ZFHX3: variants seen among roughly 807,000 people sequenced by gnomAD.
ZFHX3 encodes zinc finger homeobox protein 3.
ZFHX3 carries 42 observed loss-of-function variants against 279.1 expected under a neutral mutation model. That is an observed-to-expected ratio of 0.15 (90% CI 0.12 to 0.19). The LOEUF is 0.19. Ranked by LOEUF, ZFHX3 falls within the 10% of genes least tolerant of loss-of-function variation. The probability of loss-of-function intolerance (pLI) is 1.00; values close to 1 mark genes in which losing one functional copy is unlikely to be tolerated. For synonymous variants in ZFHX3, 2,293 were observed against 1,957.8 expected (o/e 1.17, Z -4.52); for missense variants, 4,981 against 4,754.0 (o/e 1.05, Z -1.40).
In ZFHX3 at chr16:72,981,819, C is replaced by T. The variant is rs1025096910; in HGVS notation, c.-49-21625G>A. ...AGGGCACAGTCACACCCAGCACCAG[C>T]CTTCCAAAGGGCACATAACAATGCT... On this transcript the variant is annotated intron_variant, in intron 1 of 9. Coordinates refer to ENST00000268489, the MANE Select transcript of ZFHX3 (RefSeq NM_006885.4). 3.3e-5 allele frequency among the ~76,000 whole-genome samples: 5 copies of T among 152,042 alleles called. No homozygotes were observed. The East Asian group carries it at 9.7e-4, about 29-fold the overall frequency.
At chr16:73,162,081 G>A (rs1490839211) in intron 5 of ZFHX3, among the ~76,000 whole-genome samples, 1 of 152,184 alleles carries the variant, frequency 6.6e-6, no homozygotes, top group Non-Finnish European at 1.5e-5. Context: ...TGACTTTATA[G>A]AGCAGGGGTC....
intron 3 of ZFHX3, among the ~76,000 whole-genome samples, chr16:72,906,563 G>A (rs977054244): frequency 3.9e-5 from 6 of 152,202 alleles, no homozygotes; most frequent in African/African-American, 7.2e-5. Flanking sequence ...ATGGGAGGCC[G>A]AGGCAGGCGG....
intron 5 of ZFHX3, among the ~76,000 whole-genome samples, chr16:73,242,467 C>T (rs772824767): frequency 1.1e-4 from 16 of 152,186 alleles, no homozygotes; most frequent in African/African-American, 3.6e-4. Context: ...GCAGGAACCA[C>T]TGAGTGTGAG....
At chr16:73,861,868 G>C (rs772746032) in intron 1 of ZFHX3, among the ~76,000 whole-genome samples, 5 of 152,172 alleles carry the variant, frequency 3.3e-5, no homozygotes, top group Non-Finnish European at 7.3e-5. Context: ...GATTACTACA[G>C]TTTAGAAGAA....
chr16:73,324,985 A>G lies in ZFHX3; in HGVS notation c.-1290-6649T>C, dbSNP rs142428783. On this transcript the variant is annotated intron_variant, in intron 3 of 17. Transcript: ENST00000641206. ...ATCAAGATTGGACAGGCATAAAATTAAATAATAAAAAACCTTATATTTTTG... is the reference window on the plus strand; with the variant it reads ...ATCAAGATTGGACAGGCATAAAATTGAATAATAAAAAACCTTATATTTTTG... Among the ~76,000 whole-genome samples the G allele has an allele frequency of 1.1e-3, 174 of 152,358 alleles. 2 individuals carry two copies. The highest frequency in any genetic ancestry group is 8.9e-3 in the Admixed American group (137 of 15,312).
At chr16:73,418,686 C>G (rs1377337878) in intron 3 of ZFHX3, among the ~76,000 whole-genome samples, 1 of 152,110 alleles carries the variant, frequency 6.6e-6, no homozygotes, top group Non-Finnish European at 1.5e-5. Flanking sequence ...TGGCTTTGTC[C>G]GTATTTCCAA....
chr16:72,958,669 C>T lies in ZFHX3; in HGVS notation c.1477G>A (p.Gly493Arg), dbSNP rs369517712. Residue 493 changes from glycine (G) to arginine (R), a missense_variant, in exon 2 of 10, where the codon GGA (glycine) becomes AGA (arginine). Transcript: ENST00000268489. ...EEEEEDEGCK[G>R]LFPSELDEEL... ...TCATCCAACTCGCTTGGAAAGAGTCCTTTGCAACCCTCGTCTTCCTCCTCC... is the reference window on the plus strand; with the variant it reads ...TCATCCAACTCGCTTGGAAAGAGTCTTTTGCAACCCTCGTCTTCCTCCTCC... The T allele has an allele frequency of 5.6e-6, 9 of 1,613,974 alleles. No homozygotes were observed. Among genetic ancestry groups the T allele is most frequent in the Non-Finnish European group, 2.5e-6 (3 of 1,180,006 alleles).
chr16:72,894,429 C>T (rs1214819134), intron 3 of ZFHX3, among the ~76,000 whole-genome samples: 1 of 152,188 alleles, frequency 6.6e-6, no homozygotes, highest in East Asian at 1.9e-4. Context: ...CAACCCGCGA[C>T]CCTGTTGGTC....
rs551653420 is a variant in ZFHX3, at chr16:73,776,564, T to C, written c.-1607-96324A>G. On this transcript the variant is annotated intron_variant, in intron 1 of 17. Transcript: ENST00000641206. ...TGCAACCGCGTTAATGCCAGGGACCTGGGGATGCAATAGACAGAAATGAAA... is the reference window on the plus strand; with the variant it reads ...TGCAACCGCGTTAATGCCAGGGACCCGGGGATGCAATAGACAGAAATGAAA... 9.9e-5 allele frequency among the ~76,000 whole-genome samples: 15 copies of C among 152,228 alleles called. No homozygotes were observed. The East Asian group carries it at 2.7e-3, about 27-fold the overall frequency.
intron 2 of ZFHX3, among the ~76,000 whole-genome samples, chr16:73,520,751 CAT>C (rs1214901220): frequency 2.6e-4 from 39 of 152,140 alleles, no homozygotes; most frequent in Non-Finnish European, 7.3e-5. Context: ...TTTAATTTAA[CAT>C]ATATTTATTT....
intron 4 of ZFHX3, among the ~76,000 whole-genome samples, chr16:72,884,820 TC>T (rs1241118299): frequency 6.6e-6 from 1 of 152,188 alleles, no homozygotes; most frequent in Non-Finnish European, 1.5e-5. Flanking sequence ...TTCAAGAGCT[TC>T]TGGTAAACCA....
intron 4 of ZFHX3, among the ~76,000 whole-genome samples, chr16:73,263,055 G>A (rs1386026001): frequency 6.6e-6 from 1 of 152,108 alleles, no homozygotes; most frequent in African/African-American, 2.4e-5. Context: ...CCACCCCAAG[G>A]AACCATGAGA....
At chr16:73,167,813 C>T (rs752961313) in intron 5 of ZFHX3, among the ~76,000 whole-genome samples, 29 of 152,176 alleles carry the variant, frequency 1.9e-4, no homozygotes, top group Non-Finnish European at 3.2e-4. Flanking sequence ...TTTTTGCCTT[C>T]GGATTTTCAC....
intron 2 of ZFHX3, among the ~76,000 whole-genome samples, chr16:73,511,758 C>T (rs868044207): frequency 2.0e-5 from 3 of 152,156 alleles, no homozygotes; most frequent in African/African-American, 4.8e-5. Flanking sequence ...ATGAAATGCA[C>T]AGTCTTAGCA....
At chr16:73,132,757 A>G (rs1261022762) in intron 6 of ZFHX3, among the ~76,000 whole-genome samples, 1 of 152,190 alleles carries the variant, frequency 6.6e-6, no homozygotes, top group Non-Finnish European at 1.5e-5. Context: ...CAAGGGTTTG[A>G]TTAATCGTGT....
intron 1 of ZFHX3, among the ~76,000 whole-genome samples, chr16:73,037,760 T>C (rs906235409): frequency 6.6e-6 from 1 of 152,130 alleles, no homozygotes; most frequent in African/African-American, 2.4e-5. Context: ...TGTTATAAAA[T>C]GCTGCTATGC....
At chr16:73,675,881 T>C (rs12932120) in intron 2 of ZFHX3, among the ~76,000 whole-genome samples, 74,914 of 151,798 alleles carry the variant, frequency 0.49, 20,646 homozygotes, top group East Asian at 0.82. Context: ...CAGCCTTGCC[T>C]CAGATATGAA....
chr16:73,120,236 T>A (rs758697104), intron 7 of ZFHX3, among the ~76,000 whole-genome samples: 7 of 152,116 alleles, frequency 4.6e-5, no homozygotes, highest in Non-Finnish European at 8.8e-5. Flanking sequence ...TGTTTAGAGT[T>A]CCACATTCCA....
intron 1 of ZFHX3, among the ~76,000 whole-genome samples, chr16:73,003,542 T>TAAA (rs147999738): frequency 8.3e-6 from 1 of 120,636 alleles, no homozygotes; most frequent in African/African-American, 3.3e-5. Context: ...CCCCATCTCT[T>TAAA]AAAAAAAAAA....
Sources: gnomAD v4.1 joint callset for allele counts (sites outside exome capture counted in the v4.1 genomes callset) on GRCh38, gnomAD v4.1.1 for gene constraint, MANE v1.5 for transcripts, NCBI Gene and HGNC (gene_info 2026-07-23, HGNC 2026-07-21) for gene names.